APP: variants seen among roughly 807,000 people sequenced by gnomAD.
APP encodes amyloid beta precursor protein, also known as amyloid-beta precursor protein.
Under a neutral mutation model 101.4 loss-of-function variants are expected in APP, and 31 were observed. The ratio of observed to expected loss-of-function variants is 0.31; its 90% confidence interval spans 0.23 to 0.41. APP has a LOEUF of 0.41. Among genes scored for constraint, APP ranks in the 10% least tolerant of loss-of-function variants. APP has a pLI of 1.00. For synonymous variants in APP, 366 were observed against 364.4 expected (o/e 1.00, Z -0.05); for missense variants, 839 against 1,003.7 (o/e 0.84, Z 2.22).
chr21:25,943,372 G>A (rs978040586), intron 13 of APP, among the ~76,000 whole-genome samples: 9 of 151,086 alleles, frequency 6.0e-5, no homozygotes, highest in Non-Finnish European at 1.3e-4. Flanking sequence ...GGCTGATCTC[G>A]AACTCCTGAC....
chr21:25,918,605 A>C (rs570377201), intron 13 of APP, among the ~76,000 whole-genome samples: 2 of 152,090 alleles, frequency 1.3e-5, no homozygotes, highest in South Asian at 4.1e-4. Flanking sequence ...TTTCTGAGTC[A>C]AAGAAAGGGG....
At chr21:25,884,068 G>T (rs2037166021) in intron 17 of APP, among the ~76,000 whole-genome samples, 1 of 152,134 alleles carries the variant, frequency 6.6e-6, no homozygotes, top group Non-Finnish European at 1.5e-5. Flanking sequence ...TAGTAGAGAT[G>T]GGGTTTCACC....
intron 6 of APP, among the ~76,000 whole-genome samples, chr21:26,017,356 G>A (rs1423468838): frequency 6.9e-6 from 1 of 144,954 alleles, no homozygotes; most frequent in Non-Finnish European, 1.5e-5. Flanking sequence ...GGAGGCTGAG[G>A]TTTGAACTCA....
intron 6 of APP, among the ~76,000 whole-genome samples, chr21:26,012,975 C>CAACAAAACAAAACAAAACAAAACAA (rs146168082): frequency 5.4e-5 from 8 of 147,714 alleles, no homozygotes; most frequent in African/African-American, 2.0e-4. Context: ...GACTCCATGT[C>CAACAAAACAAAACAAAACAAAACAA]AACAAAACAA....
chr21:25,997,488 G>A (rs1384104861), intron 7 of APP, 72 bp from the exon 8 acceptor site: 9 of 1,367,664 alleles, frequency 6.6e-6, no homozygotes, highest in East Asian at 2.3e-5. Flanking sequence ...AAATGCACGA[G>A]TCCACTGACA....
At chr21:25,916,697 C>T (rs546791046) in intron 13 of APP, among the ~76,000 whole-genome samples, 254 of 152,142 alleles carry the variant, frequency 1.7e-3, no homozygotes, top group African/African-American at 4.5e-3. Context: ...ATTTGCCAAC[C>T]GCTATATTAA....
At chr21:26,136,867 G>A (rs1038511541) in intron 1 of APP, among the ~76,000 whole-genome samples, 10 of 152,108 alleles carry the variant, frequency 6.6e-5, no homozygotes, top group Admixed American at 3.3e-4. Context: ...GTCATTCTCC[G>A]CTGAGAAACC....
chr21:26,007,433 T>C (rs1217409793), intron 6 of APP, among the ~76,000 whole-genome samples: 2 of 147,502 alleles, frequency 1.4e-5, no homozygotes, highest in Non-Finnish European at 3.0e-5. Flanking sequence ...TTATGTATTA[T>C]ATTTATAAAT....
At position 25,892,957 on chromosome 21, in the gene APP, A is replaced by AAC. The variant is rs1555889448; in HGVS notation, c.2065-1090_2065-1089insGT. On this transcript the variant is annotated intron_variant, in intron 16 of 17. Coordinates refer to ENST00000346798, the MANE Select transcript of APP (RefSeq NM_000484.4). ...TGCTTACAGATAGTATTTAAAAAAA[A>AAC]AAAACAAAAAGGTTTCTGGTAACCC... 3.8e-4 allele frequency among the ~76,000 whole-genome samples: 39 copies of AAC among 102,146 alleles called. No individual in the cohort carries two copies. The South Asian group carries it at 5.0e-3, about 13-fold the overall frequency. The allele number at this position is 102,146 out of a possible 152,430, so 67.0% of individuals were successfully genotyped here.
At chr21:25,893,064 A>G (rs2037802483) in intron 16 of APP, among the ~76,000 whole-genome samples, 1 of 152,162 alleles carries the variant, frequency 6.6e-6, no homozygotes, top group Admixed American at 6.5e-5. Flanking sequence ...TTTGGTAATT[A>G]TTTAAATATT....
At chr21:25,972,107 A>T (rs2042052880) in intron 11 of APP, among the ~76,000 whole-genome samples, 1 of 152,192 alleles carries the variant, frequency 6.6e-6, no homozygotes, top group Admixed American at 6.6e-5. Context: ...ATATTTAAAC[A>T]GTTTTCATAT....
At chr21:26,012,327 T>G (rs1294496747) in intron 6 of APP, among the ~76,000 whole-genome samples, 1 of 151,972 alleles carries the variant, frequency 6.6e-6, no homozygotes, top group Non-Finnish European at 1.5e-5. Flanking sequence ...TTTAACACTG[T>G]AAAAGTCTCA....
At chr21:25,970,878 T>C (rs1208013177) in intron 11 of APP, among the ~76,000 whole-genome samples, 2 of 152,128 alleles carry the variant, frequency 1.3e-5, no homozygotes, top group Admixed American at 6.5e-5. Context: ...TGTAACTTTA[T>C]CCATAGAAAG....
At chr21:25,959,376 T>C (rs1409619352) in intron 11 of APP, among the ~76,000 whole-genome samples, 1 of 152,192 alleles carries the variant, frequency 6.6e-6, no homozygotes, top group Non-Finnish European at 1.5e-5. Context: ...GAGCTTGCAG[T>C]GACCTGAGAT....
intron 9 of APP, among the ~76,000 whole-genome samples, chr21:25,981,697 C>A (rs2042435545): frequency 1.4e-5 from 2 of 143,862 alleles, no homozygotes; most frequent in African/African-American, 2.6e-5. Flanking sequence ...AAAAAACAAA[C>A]CAAACCAAAA....
chr21:25,954,507 TCAAA>T, intron 13 of APP, 79 bp downstream of exon 13: 5 of 1,228,154 alleles, frequency 4.1e-6, no homozygotes, highest in Non-Finnish European at 5.9e-6. Flanking sequence ...TCCATATTCC[TCAAA>T]CAGATAACTC....
At chr21:25,899,308 A>G (rs1460108615) in intron 15 of APP, among the ~76,000 whole-genome samples, 3 of 152,188 alleles carry the variant, frequency 2.0e-5, no homozygotes, top group Non-Finnish European at 4.4e-5. Flanking sequence ...ATAGTTTAAA[A>G]TATATCCACA....
chr21:26,032,215 C>CT (rs1226587559), intron 5 of APP, among the ~76,000 whole-genome samples: 1 of 152,090 alleles, frequency 6.6e-6, no homozygotes, highest in Admixed American at 6.6e-5. Flanking sequence ...TATTAAGTAT[C>CT]TTTTTTTAAA....
At chr21:25,901,390 T>C (rs181220588) in intron 15 of APP, among the ~76,000 whole-genome samples, 2 of 99,036 alleles carry the variant, frequency 2.0e-5, no homozygotes, top group African/African-American at 2.9e-5. Flanking sequence ...TGAATACTTT[T>C]GGTGGTCCAA....
Sources: gnomAD v4.1 joint callset for allele counts (sites outside exome capture counted in the v4.1 genomes callset) on GRCh38, gnomAD v4.1.1 for gene constraint, MANE v1.5 for transcripts, NCBI Gene and HGNC (gene_info 2026-07-23, HGNC 2026-07-21) for gene names.